The following PRELID3A variants were observed in gnomAD, a reference collection of about 807,000 sequenced individuals.
PRELID3A encodes PRELI domain containing 3A.
PRELID3A carries 27 observed loss-of-function variants against 23.0 expected under a neutral mutation model. That is an observed-to-expected ratio of 1.17 (90% CI 0.87 to 1.62). PRELID3A has a LOEUF of 1.62. Ranked by LOEUF, PRELID3A falls within the 40% of genes most tolerant of loss-of-function variation. PRELID3A has a pLI of 0.00. For synonymous variants in PRELID3A, 87 were observed against 86.4 expected, an observed-to-expected ratio of 1.01 and a Z score of -0.04; for missense variants, 231 against 231.4, an observed-to-expected ratio of 1.00 and a Z score of 0.01.
At chr18:12,415,729 C>T (rs1001316633) in intron 1 of PRELID3A, among the ~76,000 whole-genome samples, 2 of 152,192 alleles carry the variant, frequency 1.3e-5, no homozygotes, top group Non-Finnish European at 2.9e-5. Flanking sequence ...TTATTTTAGG[C>T]AAATCCCAGA....
At position 12,411,154 on chromosome 18, in the gene PRELID3A, C is replaced by G. The variant is rs186326066; in HGVS notation, c.32+3147C>G. On this transcript the variant is annotated intron_variant, in intron 1 of 6. Coordinates refer to ENST00000440960, the MANE Select transcript of PRELID3A (RefSeq NM_001142405.2). Reference sequence around the variant, plus strand: ...GCCACTGAATTAACGTGTGTGTTACCTAGACAGGGGTGAAAGTAGTTTAAA... The same window carrying G: ...GCCACTGAATTAACGTGTGTGTTACGTAGACAGGGGTGAAAGTAGTTTAAA... 2.0e-3 allele frequency among the ~76,000 whole-genome samples: 309 copies of G among 151,206 alleles called. 1 individual carries two copies. Among genetic ancestry groups the G allele is most frequent in the Non-Finnish European group, 3.2e-3 (220 of 67,806 alleles).
chr18:12,418,484 ATG>A (rs1305245320), intron 1 of PRELID3A, among the ~76,000 whole-genome samples: 1 of 152,232 alleles, frequency 6.6e-6, no homozygotes, highest in Admixed American at 6.5e-5. Context: ...ATGTGCATGT[ATG>A]TGTGTCTGCA....
At chr18:12,430,453 G>T (rs2030534997) in intron 6 of PRELID3A, among the ~76,000 whole-genome samples, 2 of 149,044 alleles carry the variant, frequency 1.3e-5, no homozygotes, top group Admixed American at 6.8e-5. Context: ...GCTGTATGTT[G>T]TGTGTGTGCT....
chr18:12,427,234 C>A lies in PRELID3A; in HGVS notation c.376C>A (p.Gln126Lys). The change falls in exon 5 of 7, where the codon CAA becomes AAA. Residue 126 changes from glutamine to lysine, a missense_variant. Gln to Lys is a moderately conservative substitution (Grantham distance 53). Transcript: ENST00000440960. ...PENPEMTVLTQEAIITVKGIS... is the reference protein window; with the variant it reads ...PENPEMTVLTKEAIITVKGIS... ...GCTCTTTTGCAGGACCGTGCTCACA[C>A]AAGAAGCCATCATCACTGTGAAGGG... 1 of 1,614,098 alleles carries A rather than the reference C, an allele frequency of 6.2e-7. No homozygotes were observed. Among genetic ancestry groups the A allele is most frequent in the Non-Finnish European group, 8.5e-7 (1 of 1,179,996 alleles).
chr18:12,408,302 AGCCGGAGCGGGGGCG>A (rs1201984523), intron 1 of PRELID3A, among the ~76,000 whole-genome samples: 3 of 151,106 alleles, frequency 2.0e-5, no homozygotes, highest in African/African-American at 7.3e-5. Context: ...GGGCGGGGGC[AGCCGGAGCGGGGGCG>A]GCCGGGGCGG....
intron 1 of PRELID3A, among the ~76,000 whole-genome samples, chr18:12,411,817 A>AGTT (rs1360132483): frequency 6.6e-6 from 1 of 152,066 alleles, no homozygotes; most frequent in Non-Finnish European, 1.5e-5. Context: ...CGTGAGGATC[A>AGTT]GTTTGGTGGG....
At chr18:12,422,317 C>T (rs1337160352) in intron 3 of PRELID3A, 1 of 151,004 alleles carries the variant, frequency 6.6e-6, no homozygotes, top group Non-Finnish European at 1.5e-5. Flanking sequence ...TCCTGTCTCA[C>T]CCTCCCAAGT....
At position 12,407,997 on chromosome 18, in the gene PRELID3A, C is replaced by T. The variant is rs1370428398; in HGVS notation, c.22C>T (p.His8Tyr). Residue 8 changes from histidine (H) to tyrosine (Y), a missense_variant, in exon 1 of 7, where the codon CAC becomes TAC. Physicochemically the swap from His to Tyr is moderately conservative, Grantham distance 83. Transcript: ENST00000440960. Reference protein sequence around the residue: MKIWSSEHVFGHPWDTVI... With the variant: MKIWSSEYVFGHPWDTVI... ...GGCAATGAAGATCTGGAGCTCGGAG[C>T]ACGTGTTTGGGTGAGGCCGGGCTGA... is the stretch of plus-strand genomic sequence containing the variant. 5.4e-6 allele frequency: 7 copies of T among 1,297,582 alleles called. No homozygotes were observed. The highest frequency in any genetic ancestry group is 4.6e-5 in the African/African-American group (3 of 64,668). 80.4% of individuals were successfully genotyped at this position (1,297,582 alleles called of 1,614,324 possible). A position where few individuals can be genotyped will look rare whatever the true frequency, so the allele number is the denominator to read the frequency against.
intron 1 of PRELID3A, among the ~76,000 whole-genome samples, chr18:12,411,182 A>C (rs1289303574): frequency 7.9e-6 from 1 of 126,428 alleles, no homozygotes; most frequent in Non-Finnish European, 1.9e-5. Flanking sequence ...AGTTTAAATA[A>C]AATTAAAAGT....
chr18:12,408,014 C>A lies in PRELID3A; in HGVS notation c.32+7C>A, dbSNP rs1909776510. 1 of 1,274,428 alleles carries A rather than the reference C, an allele frequency of 7.8e-7. No homozygotes were observed. 78.9% of individuals were successfully genotyped at this position (1,274,428 alleles called of 1,614,324 possible). The stretch of plus-strand genomic sequence containing the variant: ...GCTCGGAGCACGTGTTTGGGTGAGG[C>A]CGGGCTGAGGGCCGCGGTGGGGCCG... On this transcript the variant is annotated splice_region_variant and intron_variant, in intron 1 of 6. Transcript: ENST00000440960.
rs905379697 is a variant in PRELID3A at position 12,427,203 on chromosome 18, C to T, written c.363-18C>T. ...CTCTCAGGGCTGGTCAGCCCCTTTT[C>T]TTCTTGCTCTTTTGCAGGACCGTGC... On this transcript the variant is annotated intron_variant, in intron 4 of 6. Coordinates refer to ENST00000440960, the MANE Select transcript of PRELID3A (RefSeq NM_001142405.2). 6.2e-7 allele frequency: 1 copy of T among 1,612,646 alleles called. No homozygotes were observed. Among genetic ancestry groups the T allele is most frequent in the South Asian group, 1.1e-5 (1 of 90,966 alleles).
intron 3 of PRELID3A, among the ~76,000 whole-genome samples, chr18:12,425,075 G>A (rs2030310283): frequency 6.6e-6 from 1 of 151,964 alleles, no homozygotes; most frequent in Admixed American, 6.6e-5. Flanking sequence ...TCTGGGAGGT[G>A]GAGGTTGCAG....
rs576988047 is a variant in PRELID3A, at chr18:12,415,469, A to G, written c.33-4856A>G. On this transcript the variant is annotated intron_variant, in intron 1 of 6. Coordinates refer to ENST00000440960, the MANE Select transcript of PRELID3A (RefSeq NM_001142405.2). ...GAGACTGGGTTTCACCATGTTGGGC[A>G]GGCTGTTCTAGAACTCCTGTCAAGT... Among the ~76,000 whole-genome samples the G allele has an allele frequency of 1.6e-4, 24 of 151,986 alleles. No individual in the cohort carries two copies. In the East Asian group the frequency reaches 4.7e-3, roughly 30 times the overall value.
intron 2 of PRELID3A, 87 bp downstream of exon 2, chr18:12,420,580 C>G (rs1002471571): frequency 1.5e-6 from 2 of 1,334,250 alleles, no homozygotes; most frequent in African/African-American, 3.1e-5. Context: ...CTCCCCTCAT[C>G]AGTGCCTCTG....
chr18:12,415,273 G>A (rs1258047344), intron 1 of PRELID3A, among the ~76,000 whole-genome samples: 1 of 143,592 alleles, frequency 7.0e-6, no homozygotes, highest in Non-Finnish European at 1.5e-5. Context: ...TTTTTGTTTT[G>A]TTTTGAGACA....
At chr18:12,408,763 G>A (rs1220238651) in intron 1 of PRELID3A, among the ~76,000 whole-genome samples, 1 of 151,628 alleles carries the variant, frequency 6.6e-6, no homozygotes, top group Non-Finnish European at 1.5e-5. Context: ...GGGTGAGGGG[G>A]TGGGTGCAGG....
Position 12,426,415 on chromosome 18 carries a change from A to C in PRELID3A, c.292-626A>C, listed in dbSNP as rs60430609. Among the ~76,000 whole-genome samples the C allele has an allele frequency of 6.6e-5, 10 of 151,046 alleles. No homozygotes were observed. The South Asian group carries it at 2.1e-3, about 32-fold the overall frequency. On this transcript the variant is annotated intron_variant, in intron 3 of 6. Transcript: ENST00000440960. The stretch of plus-strand genomic sequence containing the variant: ...TAAAAATACAAAAAATTAGCTGGGC[A>C]TGGTGGCAGGTGCCTGTAGTCCCAG...
At chr18:12,408,661 C>G (rs917006407) in intron 1 of PRELID3A, among the ~76,000 whole-genome samples, 1 of 151,984 alleles carries the variant, frequency 6.6e-6, no homozygotes, top group East Asian at 1.9e-4. Context: ...CCCAGAAAGA[C>G]AAGTATCGCA....
At chr18:12,410,915 T>G (rs574704826) in intron 1 of PRELID3A, 1 of 152,230 alleles carries the variant, frequency 6.6e-6, no homozygotes, top group East Asian at 1.9e-4. Context: ...GCCAGGCTGG[T>G]CTCAAACTCC....
Sources: gnomAD v4.1 joint callset for allele counts (sites outside exome capture counted in the v4.1 genomes callset) on GRCh38, gnomAD v4.1.1 for gene constraint, MANE v1.5 for transcripts, NCBI Gene and HGNC (gene_info 2026-07-23, HGNC 2026-07-21) for gene names.